Variants in DHRSX observed in about 807,000 individuals in gnomAD.
The protein encoded by DHRSX is dehydrogenase/reductase X-linked.
In DHRSX, 31 loss-of-function variants were observed where a neutral mutation model predicts 34.0. The observed-to-expected ratio is 0.91, with a 90% CI of 0.69 to 1.23. DHRSX has a LOEUF of 1.23. Ranked by LOEUF, DHRSX falls within the 50% of genes most tolerant of loss-of-function variation. The pLI, the probability that DHRSX is intolerant of heterozygous loss-of-function variation, is 0.00. For missense variants in DHRSX, 414 were observed against 428.1 expected (o/e 0.97, Z 0.29); for synonymous variants, 201 against 183.8 (o/e 1.09, Z -0.76).
chrX:2,456,415 AC>A (rs1315398902), intron 1 of DHRSX, among the ~76,000 whole-genome samples: 2 of 151,950 alleles, frequency 1.3e-5, no homozygotes, highest in Non-Finnish European at 2.9e-5. Context: ...GGAGTTCAAG[AC>A]CAGCCTGGCC....
chrX:2,234,689 G>T (rs770819907), intron 6 of DHRSX, among the ~76,000 whole-genome samples: 2 of 152,138 alleles, frequency 1.3e-5, no homozygotes. Context: ...AACACTGCAC[G>T]TTTCCACTTT....
At chrX:2,445,652 G>A (rs754891319) in intron 1 of DHRSX, among the ~76,000 whole-genome samples, 2 of 151,424 alleles carry the variant, frequency 1.3e-5, no homozygotes, top group South Asian at 2.1e-4. Flanking sequence ...AGGGACCACC[G>A]CCATGTACAC....
At chrX:2,341,642 T>G (rs2042641038) in intron 3 of DHRSX, among the ~76,000 whole-genome samples, 1 of 131,120 alleles carries the variant, frequency 7.6e-6, no homozygotes, top group Admixed American at 8.1e-5. Context: ...AGATTCAAGG[T>G]GAACTTGTCT....
At chrX:2,371,714 A>C (rs1271444674) in intron 3 of DHRSX, among the ~76,000 whole-genome samples, 4 of 149,904 alleles carry the variant, frequency 2.7e-5, no homozygotes, top group East Asian at 2.0e-4. Flanking sequence ...CCATTATCAC[A>C]GCCCCTCCTC....
At chrX:2,257,112 C>T (rs1478840845) in intron 5 of DHRSX, among the ~76,000 whole-genome samples, 1 of 152,138 alleles carries the variant, frequency 6.6e-6, no homozygotes, top group East Asian at 1.9e-4. Context: ...TGCACCCCCA[C>T]GCCCAGCTAA....
chrX:2,447,555 T>C (rs1163186812), intron 1 of DHRSX, among the ~76,000 whole-genome samples: 1 of 151,970 alleles, frequency 6.6e-6, no homozygotes, highest in African/African-American at 2.4e-5. Flanking sequence ...GGAAAGGAAA[T>C]CAGCCCATCA....
At chrX:2,476,154 A>C (rs2044674888) in intron 1 of DHRSX, among the ~76,000 whole-genome samples, 1 of 152,136 alleles carries the variant, frequency 6.6e-6, no homozygotes, top group East Asian at 1.9e-4. Flanking sequence ...TTCGGAGTCC[A>C]AGGCAGGTGG....
At chrX:2,396,375 CTTTTTTTTT>C (rs1204243041) in intron 3 of DHRSX, among the ~76,000 whole-genome samples, 1 of 99,224 alleles carries the variant, frequency 1.0e-5, no homozygotes, top group Non-Finnish European at 1.9e-5. Flanking sequence ...CTTTCTTTTT[CTTTTTTTTT>C]TTTTTTTTTT....
Position 2,306,552 on chromosome X carries a change from G to T in DHRSX, c.287-14949C>A, listed in dbSNP as rs141193353. Among the ~76,000 whole-genome samples, 5 of 149,662 alleles carry T rather than the reference G, an allele frequency of 3.3e-5. No individual in the cohort carries two copies. The Admixed American group carries it at 3.4e-4, about 10-fold the overall frequency. ...TCTTGGCTCACTGCAACCTCCACCCGCCAGGTTCAAGCGATTCAGCCTCCC... is the reference window on the plus strand; with the variant it reads ...TCTTGGCTCACTGCAACCTCCACCCTCCAGGTTCAAGCGATTCAGCCTCCC... On this transcript the variant is annotated intron_variant, in intron 3 of 6. Coordinates refer to ENST00000334651, the MANE Select transcript of DHRSX (RefSeq NM_145177.3).
In DHRSX at chrX:2,349,765, A is replaced by G. The variant is rs750482738; in HGVS notation, c.287-58162T>C. Among the ~76,000 whole-genome samples the G allele has an allele frequency of 3.9e-5, 6 of 152,194 alleles. No homozygotes were observed. In the South Asian group the frequency reaches 1.0e-3, roughly 26 times the overall value. The stretch of plus-strand genomic sequence containing the variant: ...CCTTAAACGGAAGGTAATTGGGCTG[A>G]GCAAGGTGGCTCACGCCTGTAATTC... On this transcript the variant is annotated intron_variant, in intron 3 of 6. Transcript: ENST00000334651.
chrX:2,425,115 G>A (rs1192581487), intron 2 of DHRSX, 82 bp downstream of exon 2: 31 of 1,068,736 alleles, frequency 2.9e-5, no homozygotes, highest in Admixed American at 6.0e-5. Context: ...AGTCCAGCAC[G>A]GGTTGACGGA....
At chrX:2,443,860 G>A (rs144934705) in intron 1 of DHRSX, among the ~76,000 whole-genome samples, 5,288 of 152,124 alleles carry the variant, frequency 0.035, 324 homozygotes, top group African/African-American at 0.12. Context: ...CAAAAAATTA[G>A]CCGGGTGTGG....
intron 1 of DHRSX, among the ~76,000 whole-genome samples, chrX:2,455,553 C>T (rs1169966155): frequency 2.0e-5 from 3 of 151,852 alleles, no homozygotes; most frequent in Non-Finnish European, 2.9e-5. Context: ...ACCACCCTGA[C>T]CAACATGATG....
chrX:2,329,309 A>C (rs2042428380), intron 3 of DHRSX, among the ~76,000 whole-genome samples: 1 of 152,160 alleles, frequency 6.6e-6, no homozygotes, highest in Non-Finnish European at 1.5e-5. Flanking sequence ...GGAATTCAAA[A>C]GAGGTTCTAC....
At chrX:2,485,018 G>A (rs942612178) in intron 1 of DHRSX, among the ~76,000 whole-genome samples, 5 of 152,142 alleles carry the variant, frequency 3.3e-5, no homozygotes, top group African/African-American at 1.2e-4. Flanking sequence ...AGGCCTGCTG[G>A]GAAAACAGTT....
intron 1 of DHRSX, among the ~76,000 whole-genome samples, chrX:2,470,454 T>C (rs746852039): frequency 5.9e-5 from 9 of 151,958 alleles, no homozygotes; most frequent in African/African-American, 1.9e-4. Context: ...GCACCTGTAG[T>C]CCCAGCTACT....
intron 3 of DHRSX, among the ~76,000 whole-genome samples, chrX:2,343,716 T>A (rs1414590781): frequency 6.6e-6 from 1 of 152,134 alleles, no homozygotes; most frequent in Non-Finnish European, 1.5e-5. Flanking sequence ...GCCAGGAGAC[T>A]TTTTTTTGTC....
intron 3 of DHRSX, among the ~76,000 whole-genome samples, chrX:2,328,208 T>G (rs1234874898): frequency 7.7e-5 from 11 of 142,816 alleles, no homozygotes; most frequent in South Asian, 2.2e-4. Context: ...GCCTACACCT[T>G]GATCTTGGAC....
intron 3 of DHRSX, among the ~76,000 whole-genome samples, chrX:2,299,939 T>C (rs937622808): frequency 3.3e-5 from 5 of 152,030 alleles, no homozygotes; most frequent in Non-Finnish European, 7.4e-5. Flanking sequence ...AATACAGATT[T>C]CTGAAATTAA....
Sources: allele counts gnomAD v4.1 joint callset (sites outside exome capture counted in the v4.1 genomes callset), GRCh38; gene constraint gnomAD v4.1.1; transcripts MANE v1.5; gene names NCBI Gene and HGNC (gene_info 2026-07-23, HGNC 2026-07-21).